Variants in OGDH observed in about 807,000 individuals in gnomAD.
The protein encoded by OGDH is 2-oxoglutarate dehydrogenase complex component E1.
In OGDH, 38 loss-of-function variants were observed where a neutral mutation model predicts 116.6. The observed-to-expected ratio is 0.33, with a 90% CI of 0.25 to 0.43. OGDH has a LOEUF of 0.43. Ranked by LOEUF, OGDH falls within the 20% of genes least tolerant of loss-of-function variation. The pLI is 1.00. For synonymous variants in OGDH, 488 were observed against 533.3 expected, an observed-to-expected ratio of 0.92 and a Z score of 1.17; for missense variants, 825 against 1,357.2, an observed-to-expected ratio of 0.61 and a Z score of 6.16.
intron 5 of OGDH, among the ~76,000 whole-genome samples, chr7:44,671,287 T>G (rs1787439578): frequency 6.6e-6 from 1 of 151,892 alleles, no homozygotes; most frequent in Non-Finnish European, 1.5e-5. Context: ...GCCAGGCTCT[T>G]TTTAGCAACC....
intron 9 of OGDH, among the ~76,000 whole-genome samples, chr7:44,681,153 C>T (rs1230571480): frequency 6.6e-6 from 1 of 152,222 alleles, no homozygotes; most frequent in Non-Finnish European, 1.5e-5. Flanking sequence ...TGTAAAGTTT[C>T]TTCTCACAAA....
intron 2 of OGDH, among the ~76,000 whole-genome samples, chr7:44,633,702 G>A (rs1785544882): frequency 6.6e-6 from 1 of 152,214 alleles, no homozygotes; most frequent in Non-Finnish European, 1.5e-5. Context: ...CCCTGGAGCA[G>A]ATGCTTTGTG....
intron 4 of OGDH, among the ~76,000 whole-genome samples, chr7:44,663,051 A>T (rs1387872048): frequency 1.3e-5 from 2 of 151,946 alleles, no homozygotes. Context: ...CTTTGATTTT[A>T]TCCATTTATA....
At chr7:44,681,911 A>C (rs1787944232) in intron 10 of OGDH, 63 bp downstream of exon 10, 31 of 1,579,556 alleles carry the variant, frequency 2.0e-5, no homozygotes, top group Non-Finnish European at 2.7e-5. Flanking sequence ...GACATCTCTG[A>C]GTCATTTAGG....
chr7:44,701,338 C>T (rs1788821073), intron 19 of OGDH, among the ~76,000 whole-genome samples: 1 of 152,158 alleles, frequency 6.6e-6, no homozygotes, highest in Non-Finnish European at 1.5e-5. Context: ...AGTGGATACC[C>T]AGCTAGGGGA....
At chr7:44,609,968 T>A (rs1388039301) in intron 1 of OGDH, among the ~76,000 whole-genome samples, 1 of 152,192 alleles carries the variant, frequency 6.6e-6, no homozygotes, top group Non-Finnish European at 1.5e-5. Flanking sequence ...ATGTGCTTAT[T>A]TGCCATCTGT....
chr7:44,704,207 G>C (rs1326848796), intron 20 of OGDH, among the ~76,000 whole-genome samples: 1 of 152,132 alleles, frequency 6.6e-6, no homozygotes, highest in East Asian at 1.9e-4. Context: ...ATCCTCATCA[G>C]CACCTACTAT....
intron 1 of OGDH, among the ~76,000 whole-genome samples, chr7:44,611,361 C>T (rs566517677): frequency 2.0e-5 from 3 of 152,168 alleles, no homozygotes; most frequent in South Asian, 4.2e-4. Context: ...CTCCGCCTTC[C>T]GGGTTCATGC....
chr7:44,642,294 C>T (rs990447505), intron 2 of OGDH, among the ~76,000 whole-genome samples: 18 of 152,048 alleles, frequency 1.2e-4, no homozygotes, highest in African/African-American at 3.4e-4. Context: ...CGTGGTGGTG[C>T]GTGCCTGTGG....
rs1344124635 is a variant in OGDH at position 44,707,231 on chromosome 7, A to G, written c.2639A>G (p.His880Arg). 1.2e-6 allele frequency: 2 copies of G among 1,614,020 alleles called. No homozygotes were observed. The highest frequency in any genetic ancestry group is 3.3e-5 in the Admixed American group (2 of 59,992). Residue 880 changes from histidine (H) to arginine (R), a missense_variant, in exon 21 of 23, where the codon CAC becomes CGC. This residue lies in a region of OGDH where 212 missense variants were observed against 284.3 expected (regional missense o/e 0.75). Coordinates refer to ENST00000222673, the MANE Select transcript of OGDH (RefSeq NM_002541.4). The surrounding 1 kb of genome is among the most constrained non-coding windows in gnomAD (Gnocchi z 5.2). ...SSFDEMLPGTHFQRVIPEDGP... is the reference protein window; with the variant it reads ...SSFDEMLPGTRFQRVIPEDGP... Reference sequence around the variant, plus strand: ...CATGGGAACTCTCTTGTAGGAACCCACTTCCAGCGGGTGATCCCAGAAGAT... The same window carrying G: ...CATGGGAACTCTCTTGTAGGAACCCGCTTCCAGCGGGTGATCCCAGAAGAT...
intron 1 of OGDH, among the ~76,000 whole-genome samples, chr7:44,619,923 A>G (rs1784945319): frequency 6.6e-6 from 1 of 152,086 alleles, no homozygotes. Context: ...AGAGTTCTTT[A>G]TATATTCTGT....
chr7:44,624,875 T>C (rs1461435161), intron 2 of OGDH, among the ~76,000 whole-genome samples: 1 of 152,128 alleles, frequency 6.6e-6, no homozygotes, highest in Admixed American at 6.5e-5. Context: ...AGAAAGAAAG[T>C]GTGTGGAAAA....
chr7:44,611,940 C>T (rs928290369), intron 1 of OGDH, among the ~76,000 whole-genome samples: 8 of 151,490 alleles, frequency 5.3e-5, no homozygotes, highest in Non-Finnish European at 7.4e-5. Context: ...TATTATTATG[C>T]TTTAAGTTCT....
chr7:44,702,261 C>G (rs1168107304), intron 20 of OGDH, among the ~76,000 whole-genome samples: 2 of 152,244 alleles, frequency 1.3e-5, no homozygotes. Context: ...CCTGCGGCCT[C>G]CTTCAGCAGG....
chr7:44,657,889 T>C (rs931106646), intron 4 of OGDH, among the ~76,000 whole-genome samples: 2 of 151,708 alleles, frequency 1.3e-5, no homozygotes, highest in African/African-American at 4.8e-5. Context: ...TGCCATTAGC[T>C]GAAAACTCTG....
intron 20 of OGDH, among the ~76,000 whole-genome samples, chr7:44,706,624 A>ATTTTTTTTTTTTT (rs60453820): frequency 1.6e-5 from 2 of 123,252 alleles, no homozygotes; most frequent in African/African-American, 6.4e-5. Flanking sequence ...CCCGGCTGGT[A>ATTTTTTTTTTTTT]TTTTTTTTTT....
rs1787939492 is a variant in OGDH at position 44,681,818 on chromosome 7, T to C, written c.1305T>C (p.His435=). Residue 435 remains histidine, a synonymous_variant, in exon 10 of 23, where the codon CAT becomes CAC. Transcript: ENST00000222673. The part of the protein sequence containing the change: ...HLSDLPSYTT[H]GTVHVVVNNQ... Reference sequence around the variant, plus strand: ...GCGACCTGCCATCCTACACAACTCATGGCACCGTGCACGTGGTCGTCAACA... The same window carrying C: ...GCGACCTGCCATCCTACACAACTCACGGCACCGTGCACGTGGTCGTCAACA... The C allele has an allele frequency of 1.2e-6, 2 of 1,614,052 alleles. No individual in the cohort carries two copies. The highest frequency in any genetic ancestry group is 1.3e-5 in the African/African-American group (1 of 74,926).
chr7:44,656,375 T>TGA (rs1786690816), intron 4 of OGDH: 4 of 1,535,614 alleles, frequency 2.6e-6, no homozygotes, highest in Non-Finnish European at 2.6e-6. Flanking sequence ...ATGAAAATAA[T>TGA]GAGCTTTTCA....
chr7:44,708,119 A>G lies in OGDH; in HGVS notation c.*120A>G. ...CCACCGCCCTCCTCGCTGTGCCACC[A>G]CCCCTCCCTCTGCTCTCATAGGAGT... On this transcript the variant is annotated 3_prime_UTR_variant, in exon 23 of 23. Coordinates refer to ENST00000222673, the MANE Select transcript of OGDH (RefSeq NM_002541.4). The G allele has an allele frequency of 7.4e-7, 1 of 1,342,358 alleles. No homozygotes were observed. The highest frequency in any genetic ancestry group is 1.5e-5 in the African/African-American group (1 of 68,474). 83.2% of individuals were successfully genotyped at this position (1,342,358 alleles called of 1,614,324 possible). A position where few individuals can be genotyped will look rare whatever the true frequency, so the allele number is the denominator to read the frequency against.
Sources: allele counts gnomAD v4.1 joint callset (sites outside exome capture counted in the v4.1 genomes callset), GRCh38; gene constraint gnomAD v4.1.1; regional missense constraint gnomAD v4.1.1; non-coding constraint Gnocchi (gnomAD v3.1); transcripts MANE v1.5; gene names NCBI Gene and HGNC (gene_info 2026-07-23, HGNC 2026-07-21).